Variants in JMJD8 observed in about 807,000 individuals in gnomAD.
JMJD8 encodes jmjC domain-containing protein 8.
Under a neutral mutation model 37.6 loss-of-function variants are expected in JMJD8, and 56 were observed. That is an observed-to-expected ratio of 1.49 (90% confidence interval 1.20 to 1.86). The LOEUF is 1.86. JMJD8 is among the 40% of genes most tolerant of loss of function. JMJD8 has a pLI of 0.00. For synonymous variants in JMJD8, 261 were observed against 163.7 expected (o/e 1.59, Z -4.54); for missense variants, 542 against 362.7 (o/e 1.49, Z -4.01).
chr16:683,233 T>C lies in JMJD8; in HGVS notation c.513A>G (p.Gly171=), dbSNP rs753638828. Reference sequence around the variant, plus strand: ...AGTGGAAGGGCACCCCCGAGCCAGCTCCTGTGGGGTTATGAGCACCTGGTG... The same window carrying C: ...AGTGGAAGGGCACCCCCGAGCCAGCCCCTGTGGGGTTATGAGCACCTGGTG... ...TAPAYSFGIA[G]AGSGVPFHWH... Residue 171 remains glycine, a splice_region_variant and synonymous_variant, in exon 7 of 9, where the codon GGA becomes GGG. Coordinates refer to ENST00000609261, the MANE Select transcript of JMJD8 (RefSeq NM_001005920.4). 6.2e-7 allele frequency: 1 copy of C among 1,612,828 alleles called. No individual in the cohort carries two copies. Among genetic ancestry groups the C allele is most frequent in the Admixed American group, 1.7e-5 (1 of 59,998 alleles).
rs776734530 is a variant in JMJD8, at chr16:684,141, G to A, written c.101C>T (p.Pro34Leu). 1.1e-5 allele frequency: 17 copies of A among 1,488,654 alleles called. No individual in the cohort carries two copies. The East Asian group carries it at 1.7e-4, about 15-fold the overall frequency. The allele number at this position is 1,488,654 out of a possible 1,614,324, so 92.2% of individuals were successfully genotyped here. The change falls in exon 2 of 9, where the codon CCG becomes CTG. Residue 34 changes from proline (P) to leucine (L), a missense_variant. Coordinates refer to ENST00000609261, the MANE Select transcript of JMJD8 (RefSeq NM_001005920.4). Reference protein sequence around the residue: ...EGDGGWRPGGPGAVAEEERCT... With the variant: ...EGDGGWRPGGLGAVAEEERCT... ...GCGCTCCTCCTCCGCCACGGCCCCC[G>A]GCCCGCCCGGGCGCCTGCGGGCACA... is the stretch of plus-strand genomic sequence containing the variant.
In JMJD8 at chr16:682,797, G is replaced by T. The variant is rs947927712; in HGVS notation, c.792C>A (p.Gly264=). 3 of 1,612,854 alleles carry T rather than the reference G, an allele frequency of 1.9e-6. No individual in the cohort carries two copies. In the South Asian group the frequency reaches 3.3e-5, roughly 18 times the overall value. Residue 264 remains glycine, a synonymous_variant, in exon 9 of 9, where the codon GGC becomes GGA. Transcript: ENST00000609261. ...GCAGTCCTGCCAGCTGTTTTGGCTA[G>T]CCGAGGAAGGTGGAGATGAAGACGC... ...DTSVFISTFL[G] is the part of the protein sequence containing the mutation.
In JMJD8 at chr16:682,258, A is replaced by G; in HGVS notation, c.*536T>C. On this transcript the variant is annotated 3_prime_UTR_variant, in exon 9 of 9. Coordinates refer to ENST00000609261, the MANE Select transcript of JMJD8 (RefSeq NM_001005920.4). ...GCCCAGTGGCATCACCTACGACCGCAAGGACATCGAGGAGCACCTGCAGGT... is the reference window on the plus strand; with the variant it reads ...GCCCAGTGGCATCACCTACGACCGCGAGGACATCGAGGAGCACCTGCAGGT... The G allele has an allele frequency of 6.2e-7, 1 of 1,610,218 alleles. No individual in the cohort carries two copies. Among genetic ancestry groups the G allele is most frequent in the Non-Finnish European group, 8.5e-7 (1 of 1,179,586 alleles).
chr16:681,888 T>A lies in JMJD8; in HGVS notation c.*906A>T, dbSNP rs1468934230. ...TGCATTGAGGCCAAGCACGTGAGGG[T>A]GCCCCCCACCCACATGTGGGTCTGT... On this transcript the variant is annotated 3_prime_UTR_variant, in exon 9 of 9. Transcript: ENST00000609261. 2 of 1,612,866 alleles carry A rather than the reference T, an allele frequency of 1.2e-6. No individual in the cohort carries two copies. Among genetic ancestry groups the A allele is most frequent in the South Asian group, 2.2e-5 (2 of 91,068 alleles).
At position 683,851 on chromosome 16, in the gene JMJD8, A is replaced by C; in HGVS notation, c.225+10T>G. The stretch of plus-strand genomic sequence containing the variant: ...CGAGAGTGGCCGGGGACGGACGGGC[A>C]CGCGCTCACCGAGTTGTCCGTGAGT... On this transcript the variant is annotated intron_variant, in intron 3 of 8. Coordinates refer to ENST00000609261, the MANE Select transcript of JMJD8 (RefSeq NM_001005920.4). 6.3e-7 allele frequency: 1 copy of C among 1,584,256 alleles called. No homozygotes were observed. The highest frequency in any genetic ancestry group is 8.6e-7 in the Non-Finnish European group (1 of 1,167,664).
Position 683,039 on chromosome 16 carries a change from T to C in JMJD8, c.628A>G (p.Lys210Glu). The C allele has an allele frequency of 6.2e-7, 1 of 1,613,478 alleles. No individual in the cohort carries two copies. The highest frequency in any genetic ancestry group is 1.3e-5 in the African/African-American group (1 of 75,010). ...PEKTPEFHPN[K>E]TTLAWLRDTY... ...TCCCGGAGCCAGGCCAGCGTGGTCT[T>C]GTTGGGGTGGAACTCTGGCGTCTTC... Residue 210 changes from lysine (K) to glutamate (E), a missense_variant, in exon 8 of 9, where the codon AAG (lysine) becomes GAG (glutamate). Physicochemically the swap from Lys to Glu is moderately conservative, Grantham distance 56. Transcript: ENST00000609261.
In JMJD8 at chr16:683,709, C is replaced by T. The variant is rs761211315; in HGVS notation, c.298G>A (p.Ala100Thr). Reference sequence around the variant, plus strand: ...CCTTTGTGGTAGGAGTAGGTGTTGGCGGTGCTCAGCCGGACCACTCTGTCC... The same window carrying T: ...CCTTTGTGGTAGGAGTAGGTGTTGGTGGTGCTCAGCCGGACCACTCTGTCC... ...FGDRVVRLST[A>T]NTYSYHKVDL... The change falls in exon 4 of 9, where the codon GCC (alanine) becomes ACC (threonine). Residue 100 changes from alanine to threonine, a missense_variant. Physicochemically the swap from Ala to Thr is moderately conservative, Grantham distance 58. Coordinates refer to ENST00000609261, the MANE Select transcript of JMJD8 (RefSeq NM_001005920.4). The T allele has an allele frequency of 5.0e-6, 8 of 1,605,572 alleles. No homozygotes were observed. In the South Asian group the frequency reaches 5.6e-5, roughly 11 times the overall value.
In JMJD8 at chr16:684,277, C is replaced by A; in HGVS notation, c.43G>T (p.Ala15Ser). The A allele has an allele frequency of 6.9e-7, 1 of 1,444,838 alleles. No individual in the cohort carries two copies. Among genetic ancestry groups the A allele is most frequent in the Non-Finnish European group, 9.0e-7 (1 of 1,107,830 alleles). 89.5% of individuals were successfully genotyped at this position (1,444,838 alleles called of 1,614,324 possible). A position where few individuals can be genotyped will look rare whatever the true frequency, so the allele number is the denominator to read the frequency against. Residue 15 changes from alanine to serine, a missense_variant, in exon 1 of 9, where the codon GCT (alanine) becomes TCT (serine). Coordinates refer to ENST00000609261, the MANE Select transcript of JMJD8 (RefSeq NM_001005920.4). Reference protein sequence around the residue: ...SRLLALWALAAVALPGSGAEG... With the variant: ...SRLLALWALASVALPGSGAEG... ...GCCCCGGAGCCGGGTAGAGCCACAG[C>A]CGCCAGCGCCCAGAGCGCGAGCAAC...
Position 683,579 on chromosome 16 carries a change from C to T in JMJD8, c.342G>A (p.Glu114=), listed in dbSNP as rs762333887. ...SYHKVDLPFQ[E]YVEQLLHPQD... ...GGGGGTGCAGCAGCTGCTCCACATA[C>T]TCCTGGAAGGGCAAGTCCACTGCAG... Residue 114 remains glutamate (E), a synonymous_variant, in exon 5 of 9, where the codon GAG becomes GAA. Coordinates refer to ENST00000609261, the MANE Select transcript of JMJD8 (RefSeq NM_001005920.4). 4 of 1,576,904 alleles carry T rather than the reference C, an allele frequency of 2.5e-6. No individual in the cohort carries two copies. Among genetic ancestry groups the T allele is most frequent in the South Asian group, 2.3e-5 (2 of 86,396 alleles).
rs751602672 is a variant in JMJD8 at position 682,145 on chromosome 16, C to A, written c.*649G>T. The A allele has an allele frequency of 7.5e-6, 12 of 1,595,798 alleles. No individual in the cohort carries two copies. The Admixed American group carries it at 1.7e-4, about 22-fold the overall frequency. The stretch of plus-strand genomic sequence containing the variant: ...GCAGTGCCCCTTTTCAGCCTCTGAC[C>A]GTGTGCCCCTGTGCCACAGAAGCGA... On this transcript the variant is annotated 3_prime_UTR_variant, in exon 9 of 9. Transcript: ENST00000609261.
rs556441107 is a variant in JMJD8 at position 682,713 on chromosome 16, G to A, written c.*81C>T. On this transcript the variant is annotated 3_prime_UTR_variant, in exon 9 of 9. Coordinates refer to ENST00000609261, the MANE Select transcript of JMJD8 (RefSeq NM_001005920.4). ...GGTGGGCTGGGCTGAGGCCATTGCC[G>A]CCACTATCTGTGTAATAAAATCCGT... 1.7e-5 allele frequency: 26 copies of A among 1,517,554 alleles called. No homozygotes were observed. Among genetic ancestry groups the A allele is most frequent in the South Asian group, 5.9e-5 (5 of 84,204 alleles). The allele number at this position is 1,517,554 out of a possible 1,614,324, so 94.0% of individuals were successfully genotyped here.
Position 683,514 on chromosome 16 carries a change from C to A in JMJD8, c.391+16G>T. ...CAAGCGTCCCCACCCCCTACCGCCG[C>A]CTAGGGCTGCCTCACCATTGCCCAG... On this transcript the variant is annotated intron_variant, in intron 5 of 8. Transcript: ENST00000609261. 1 of 1,547,620 alleles carries A rather than the reference C, an allele frequency of 6.5e-7. No individual in the cohort carries two copies. The highest frequency in any genetic ancestry group is 8.7e-7 in the Non-Finnish European group (1 of 1,145,124).
intron 4 of JMJD8, 32 bp from the exon 5 acceptor site, chr16:683,630 G>A (rs1305668297): frequency 6.3e-7 from 1 of 1,576,724 alleles, no homozygotes; most frequent in East Asian, 2.3e-5. Flanking sequence ...GGACCGTCTG[G>A]TCCAGCCGCC....
At position 681,714 on chromosome 16, in the gene JMJD8, T is replaced by C; in HGVS notation, c.*1080A>G. 1.3e-6 allele frequency: 2 copies of C among 1,552,328 alleles called. No homozygotes were observed. Among genetic ancestry groups the C allele is most frequent in the Middle Eastern group, 2.3e-4 (1 of 4,418 alleles). On this transcript the variant is annotated 3_prime_UTR_variant, in exon 9 of 9. Transcript: ENST00000609261. ...GGCAAGCAGGAAATGTGGGGAAGTG[T>C]GGATGTTAGCTCTGAGATTGGGGTG...
chr16:682,200 C>T lies in JMJD8; in HGVS notation c.*594G>A. 1 of 1,611,696 alleles carries T rather than the reference C, an allele frequency of 6.2e-7. No individual in the cohort carries two copies. The highest frequency in any genetic ancestry group is 8.5e-7 in the Non-Finnish European group (1 of 1,178,538). ...TCCCCGACTACCTGTGTGGCAAGAT[C>T]AGCTTTGAGCTGATGCGGGAGCCGT... On this transcript the variant is annotated 3_prime_UTR_variant, in exon 9 of 9. Coordinates refer to ENST00000609261, the MANE Select transcript of JMJD8 (RefSeq NM_001005920.4).
rs1215672893 is a variant in JMJD8 at position 681,906 on chromosome 16, G to C, written c.*888C>G. 1 of 1,612,824 alleles carries C rather than the reference G, an allele frequency of 6.2e-7. No individual in the cohort carries two copies. The highest frequency in any genetic ancestry group is 1.3e-5 in the African/African-American group (1 of 74,940). On this transcript the variant is annotated 3_prime_UTR_variant, in exon 9 of 9. Coordinates refer to ENST00000609261, the MANE Select transcript of JMJD8 (RefSeq NM_001005920.4). ...GTGAGGGTGCCCCCCACCCACATGTGGGTCTGTGTGTGTGCACGTGGCGTG... is the reference window on the plus strand; with the variant it reads ...GTGAGGGTGCCCCCCACCCACATGTCGGTCTGTGTGTGTGCACGTGGCGTG...
Position 681,849 on chromosome 16 carries a change from G to A in JMJD8, c.*945C>T, listed in dbSNP as rs377648766. 3.7e-5 allele frequency: 60 copies of A among 1,611,790 alleles called. No homozygotes were observed. Among genetic ancestry groups the A allele is most frequent in the South Asian group, 3.3e-4 (30 of 91,032 alleles). ...GGTGATGAGGACGACAGCCACGTCC[G>A]GGCCCAGCAGGCCTGCATTGAGGCC... On this transcript the variant is annotated 3_prime_UTR_variant, in exon 9 of 9. Coordinates refer to ENST00000609261, the MANE Select transcript of JMJD8 (RefSeq NM_001005920.4).
At position 682,333 on chromosome 16, in the gene JMJD8, T is replaced by C; in HGVS notation, c.*461A>G. The C allele has an allele frequency of 1.2e-6, 2 of 1,612,990 alleles. No homozygotes were observed. The highest frequency in any genetic ancestry group is 1.1e-5 in the South Asian group (1 of 91,078). Reference sequence around the variant, plus strand: ...GCCAGTGGCATGGTCCTGGGCCCCATGACTGCCCTCTGCCCTTCTTGTCAC... The same window carrying C: ...GCCAGTGGCATGGTCCTGGGCCCCACGACTGCCCTCTGCCCTTCTTGTCAC... On this transcript the variant is annotated 3_prime_UTR_variant, in exon 9 of 9. Transcript: ENST00000609261.
Position 683,588 on chromosome 16 carries a change from G to A in JMJD8, c.333C>T (p.Pro111=), listed in dbSNP as rs767806643. ...NTYSYHKVDL[P]FQEYVEQLLH... ...GCAGCTGCTCCACATACTCCTGGAA[G>A]GGCAAGTCCACTGCAGGAAAGAGAC... The change falls in exon 5 of 9, where the codon CCC becomes CCT. Residue 111 remains proline, a synonymous_variant. Transcript: ENST00000609261. The A allele has an allele frequency of 8.2e-6, 13 of 1,577,450 alleles. No individual in the cohort carries two copies. The highest frequency in any genetic ancestry group is 3.5e-5 in the South Asian group (3 of 86,496).
Sources: allele counts gnomAD v4.1 joint callset, GRCh38; gene constraint gnomAD v4.1.1; transcripts MANE v1.5; gene names NCBI Gene and HGNC (gene_info 2026-07-23, HGNC 2026-07-21).